The following GABRB3 variants were observed in gnomAD, a reference collection of about 807,000 sequenced individuals.
The protein encoded by GABRB3 is gamma-aminobutyric acid receptor subunit beta-3.
Under a neutral mutation model 52.1 loss-of-function variants are expected in GABRB3, and 14 were observed. The observed-to-expected ratio is 0.27, with a 90% confidence interval of 0.18 to 0.42. The LOEUF (loss-of-function observed/expected upper bound fraction) is 0.42. Among genes scored for constraint, GABRB3 ranks in the 10% least tolerant of loss-of-function variants. The pLI, the probability that GABRB3 is intolerant of heterozygous loss-of-function variation, is 1.00. For synonymous variants in GABRB3, 260 were observed against 232.3 expected (o/e 1.12, Z -1.08); for missense variants, 307 against 609.1 (o/e 0.50, Z 5.22).
chr15:26,715,403 A>T (rs1889435589), intron 3 of GABRB3, among the ~76,000 whole-genome samples: 1 of 152,132 alleles, frequency 6.6e-6, no homozygotes, highest in Non-Finnish European at 1.5e-5. Flanking sequence ...GTGACAGAGA[A>T]TTTTTCCCTG....
intron 3 of GABRB3, among the ~76,000 whole-genome samples, chr15:26,739,122 A>T (rs1038893662): frequency 6.6e-5 from 10 of 152,038 alleles, no homozygotes; most frequent in African/African-American, 2.4e-5. Flanking sequence ...CTGATGCTCC[A>T]TGGAGTCCTA....
At chr15:26,756,062 AAAT>A (rs1293993404) in intron 3 of GABRB3, among the ~76,000 whole-genome samples, 2 of 152,230 alleles carry the variant, frequency 1.3e-5, no homozygotes, top group East Asian at 1.9e-4. Context: ...TACAGTGTGT[AAAT>A]AATAGTGCAT....
chr15:26,554,189 T>TATAA (rs1346521870), intron 8 of GABRB3, among the ~76,000 whole-genome samples: 3 of 27,360 alleles, frequency 1.1e-4, no homozygotes, highest in Admixed American at 5.8e-4. Context: ...TATATATATA[T>TATAA]ACTATATATA....
intron 3 of GABRB3, among the ~76,000 whole-genome samples, chr15:26,764,177 AAAATATATATATATATATATAT>A (rs1890921996): frequency 1.7e-4 from 2 of 11,578 alleles, no homozygotes; most frequent in African/African-American, 2.8e-4. Context: ...AAAAAAAAAA[AAAATATATATATATATATATAT>A]ATATATATAT....
At chr15:26,732,280 AGATGGATGGATAGATGGATG>A (rs1889944136) in intron 3 of GABRB3, among the ~76,000 whole-genome samples, 1 of 131,564 alleles carries the variant, frequency 7.6e-6, no homozygotes, top group Non-Finnish European at 1.6e-5. Context: ...ATGGATGAAT[AGATGGATGGATAGATGGATG>A]GATGGATGGA....
In GABRB3 at chr15:26,717,683, C is replaced by T. The variant is rs553311341; in HGVS notation, c.240+54719G>A. Among the ~76,000 whole-genome samples, 177 of 152,280 alleles carry T rather than the reference C, an allele frequency of 1.2e-3. 1 individual carries two copies. Among genetic ancestry groups the T allele is most frequent in the African/African-American group, 4.1e-3 (171 of 41,566 alleles). On this transcript the variant is annotated intron_variant, in intron 3 of 8. Coordinates refer to ENST00000311550, the MANE Select transcript of GABRB3 (RefSeq NM_000814.6). ...CCTCCCTCACCCATCACACGTAATG[C>T]GTCATGCTTCTCTTAGGGGTACTGA...
intron 3 of GABRB3, among the ~76,000 whole-genome samples, chr15:26,749,238 C>CTA (rs1890434609): frequency 6.6e-6 from 1 of 151,778 alleles, no homozygotes; most frequent in Admixed American, 6.6e-5. Flanking sequence ...TCATTCAGTA[C>CTA]TATGTATCAT....
chr15:26,644,718 T>A (rs1158896521), intron 3 of GABRB3, among the ~76,000 whole-genome samples: 1 of 152,120 alleles, frequency 6.6e-6, no homozygotes, highest in Non-Finnish European at 1.5e-5. Context: ...GTGGTGACAG[T>A]GACAGTCAGA....
intron 3 of GABRB3, among the ~76,000 whole-genome samples, chr15:26,694,930 G>A (rs1235948225): frequency 4.6e-5 from 7 of 152,120 alleles, no homozygotes; most frequent in African/African-American, 1.7e-4. Flanking sequence ...TGCCTTTGAT[G>A]GGCCCATCAG....
At chr15:26,572,751 G>A (rs902558516) in intron 6 of GABRB3, among the ~76,000 whole-genome samples, 1 of 152,164 alleles carries the variant, frequency 6.6e-6, no homozygotes, top group Non-Finnish European at 1.5e-5. Flanking sequence ...CAACTGAAAT[G>A]CGCTGAAGCC....
chr15:26,688,688 A>G (rs529119406), intron 3 of GABRB3, among the ~76,000 whole-genome samples: 1 of 152,160 alleles, frequency 6.6e-6, no homozygotes, highest in Non-Finnish European at 1.5e-5. Context: ...CATTCACTGC[A>G]TTGGTTCTAT....
chr15:26,714,898 C>G (rs986261258), intron 3 of GABRB3, among the ~76,000 whole-genome samples: 5 of 152,150 alleles, frequency 3.3e-5, no homozygotes, highest in Non-Finnish European at 5.9e-5. Flanking sequence ...GTGGAGAACA[C>G]TAAGTTCTCA....
At chr15:26,745,771 A>G (rs1476401662) in intron 3 of GABRB3, among the ~76,000 whole-genome samples, 1 of 152,204 alleles carries the variant, frequency 6.6e-6, no homozygotes, top group African/African-American at 2.4e-5. Flanking sequence ...GCGCCATCCA[A>G]TTTGGTGCCT....
intron 4 of GABRB3, among the ~76,000 whole-genome samples, chr15:26,586,704 A>AAAAAAG (rs558336153): frequency 0.19 from 19,817 of 102,202 alleles, 3,428 homozygotes; most frequent in East Asian, 0.66. Context: ...AAAAAAAAAA[A>AAAAAAG]AGAGAGAGAG....
At chr15:26,669,212 T>C (rs1426195426) in intron 3 of GABRB3, among the ~76,000 whole-genome samples, 5 of 152,168 alleles carry the variant, frequency 3.3e-5, no homozygotes. Context: ...AATCCTGCCC[T>C]TTCCTTGCCA....
intron 3 of GABRB3, among the ~76,000 whole-genome samples, chr15:26,712,653 G>T (rs1317125254): frequency 6.6e-6 from 1 of 152,182 alleles, no homozygotes; most frequent in Non-Finnish European, 1.5e-5. Flanking sequence ...GCCCTTGGGA[G>T]AAGTGACAGC....
At chr15:26,615,561 G>T in intron 4 of GABRB3, 1 of 604,632 alleles carries the variant, frequency 1.7e-6, no homozygotes, top group Non-Finnish European at 2.1e-6. Flanking sequence ...TGCGTGAGTG[G>T]TCAGTGACTA....
chr15:26,694,753 A>C (rs1010982842), intron 3 of GABRB3, among the ~76,000 whole-genome samples: 1 of 152,240 alleles, frequency 6.6e-6, no homozygotes, highest in African/African-American at 2.4e-5. Context: ...TGTAATTATC[A>C]GACAAAAAAT....
In GABRB3 at chr15:26,570,310, T is replaced by C. The variant is rs545465706; in HGVS notation, c.683-2577A>G. Among the ~76,000 whole-genome samples, 158 of 152,370 alleles carry C rather than the reference T, an allele frequency of 1.0e-3. 2 individuals are homozygous for C. Among genetic ancestry groups the C allele is most frequent in the Non-Finnish European group, 1.3e-4 (9 of 68,038 alleles). ...ATCAGTAGAATGAGGCTTCCCTTCA[T>C]ATACATTTCACACAGTTCTGTTGTT... On this transcript the variant is annotated intron_variant, in intron 6 of 8. Coordinates refer to ENST00000311550, the MANE Select transcript of GABRB3 (RefSeq NM_000814.6).
Sources: gnomAD v4.1 joint callset for allele counts (sites outside exome capture counted in the v4.1 genomes callset) on GRCh38, gnomAD v4.1.1 for gene constraint, MANE v1.5 for transcripts, NCBI Gene and HGNC (gene_info 2026-07-23, HGNC 2026-07-21) for gene names.